FBXW7: variants seen among roughly 807,000 people sequenced by gnomAD.
FBXW7 encodes F-box and WD repeat domain containing 7, also known as F-box/WD repeat-containing protein 7.
A neutral mutation model predicts 86.3 loss-of-function variants in FBXW7; 11 were observed. That is an observed-to-expected ratio of 0.13 (90% confidence interval 0.08 to 0.21). The LOEUF (loss-of-function observed/expected upper bound fraction) is 0.21, where lower values mean the gene tolerates loss of function less well. Ranked by LOEUF, FBXW7 falls within the 10% of genes least tolerant of loss-of-function variation. The probability of loss-of-function intolerance (pLI) is 1.00; values close to 1 mark genes in which losing one functional copy is unlikely to be tolerated. For missense variants in FBXW7, 488 were observed against 847.4 expected (o/e 0.58, Z 5.27); for synonymous variants, 313 against 297.9 (o/e 1.05, Z -0.52).
intron 4 of FBXW7, among the ~76,000 whole-genome samples, chr4:152,373,627 C>A (rs1734203897): frequency 6.6e-6 from 1 of 152,148 alleles, no homozygotes; most frequent in African/African-American, 2.4e-5. Context: ...CTCCTCTGAT[C>A]ACCTACTTAG....
At chr4:152,482,124 C>A (rs991862410) in intron 2 of FBXW7, among the ~76,000 whole-genome samples, 1 of 152,298 alleles carries the variant, frequency 6.6e-6, no homozygotes, top group Non-Finnish European at 1.5e-5. Context: ...GCCACCCCAA[C>A]CTTCAGCAAC....
At chr4:152,393,249 A>G (rs989429964) in intron 4 of FBXW7, among the ~76,000 whole-genome samples, 1 of 152,270 alleles carries the variant, frequency 6.6e-6, no homozygotes, top group East Asian at 1.9e-4. Context: ...TTTTAAAAAT[A>G]CATTCAATGG....
chr4:152,425,216 T>C (rs1232240855), intron 2 of FBXW7, among the ~76,000 whole-genome samples: 1 of 152,232 alleles, frequency 6.6e-6, no homozygotes, highest in Non-Finnish European at 1.5e-5. Context: ...TCATCTTCCT[T>C]ACTGTGACAC....
chr4:152,525,822 G>C (rs879910144), intron 2 of FBXW7, among the ~76,000 whole-genome samples: 1 of 120,922 alleles, frequency 8.3e-6, no homozygotes, highest in Non-Finnish European at 1.7e-5. Context: ...ATACCCATTA[G>C]TAATGGGATT....
At chr4:152,466,372 T>C (rs1743439428) in intron 2 of FBXW7, among the ~76,000 whole-genome samples, 1 of 151,644 alleles carries the variant, frequency 6.6e-6, no homozygotes, top group South Asian at 2.1e-4. Context: ...CTGACCAACA[T>C]GGTGAAACCC....
At chr4:152,515,966 G>T (rs1229176598) in intron 2 of FBXW7, among the ~76,000 whole-genome samples, 1 of 152,158 alleles carries the variant, frequency 6.6e-6, no homozygotes, top group African/African-American at 2.4e-5. Context: ...GCTCAAAGTG[G>T]TCCCTGGCTG....
intron 2 of FBXW7, among the ~76,000 whole-genome samples, chr4:152,424,973 TA>T (rs1326141101): frequency 6.6e-6 from 1 of 152,210 alleles, no homozygotes; most frequent in Non-Finnish European, 1.5e-5. Context: ...GGAGTCTTGT[TA>T]AAATGCAGAT....
chr4:152,322,737 T>C lies in FBXW7; in HGVS notation c.*144A>G, dbSNP rs1052452910. On this transcript the variant is annotated 3_prime_UTR_variant, in exon 14 of 14. Coordinates refer to ENST00000281708, the MANE Select transcript of FBXW7 (RefSeq NM_001349798.2). ...CTTTTCCTTCTTAGTCTGTAGGTCT[T>C]TTCAATCTGTTGCCCCAAGCCAACA... The C allele has an allele frequency of 4.3e-5, 59 of 1,361,374 alleles. No individual in the cohort carries two copies. The highest frequency in any genetic ancestry group is 5.5e-5 in the Non-Finnish European group (56 of 1,022,152). 84.3% of individuals were successfully genotyped at this position (1,361,374 alleles called of 1,614,324 possible). A position where few individuals can be genotyped will look rare whatever the true frequency, so the allele number is the denominator to read the frequency against.
chr4:152,441,123 C>T (rs1340638337), intron 2 of FBXW7, among the ~76,000 whole-genome samples: 2 of 152,086 alleles, frequency 1.3e-5, no homozygotes, highest in East Asian at 1.9e-4. Flanking sequence ...TTCAGCAACT[C>T]GAACTTATAT....
chr4:152,395,729 C>G (rs1308155780), intron 4 of FBXW7, among the ~76,000 whole-genome samples: 1 of 151,972 alleles, frequency 6.6e-6, no homozygotes, highest in Admixed American at 6.6e-5. Context: ...CGTAATTTTG[C>G]AATGGGTGAT....
At chr4:152,498,567 G>A (rs941435180) in intron 2 of FBXW7, among the ~76,000 whole-genome samples, 1 of 152,316 alleles carries the variant, frequency 6.6e-6, no homozygotes, top group Non-Finnish European at 1.5e-5. Flanking sequence ...GACAATGCAA[G>A]CGATATAAAG....
intron 4 of FBXW7, among the ~76,000 whole-genome samples, chr4:152,357,868 C>A (rs1221502203): frequency 1.3e-5 from 2 of 152,020 alleles, no homozygotes; most frequent in Non-Finnish European, 2.9e-5. Flanking sequence ...CTATTTATGC[C>A]AGCCACAGAA....
intron 2 of FBXW7, among the ~76,000 whole-genome samples, chr4:152,438,522 A>G (rs1740592323): frequency 6.6e-6 from 1 of 152,164 alleles, no homozygotes; most frequent in Non-Finnish European, 1.5e-5. Flanking sequence ...TACTAAAAAC[A>G]TAAAAATTAG....
chr4:152,353,742 C>A (rs1732091022), intron 4 of FBXW7, among the ~76,000 whole-genome samples: 1 of 152,170 alleles, frequency 6.6e-6, no homozygotes, highest in African/African-American at 2.4e-5. Flanking sequence ...CAGAAGGCAA[C>A]ATTTTTCCTG....
At chr4:152,500,655 T>C (rs1177403078) in intron 2 of FBXW7, among the ~76,000 whole-genome samples, 1 of 152,064 alleles carries the variant, frequency 6.6e-6, no homozygotes, top group Non-Finnish European at 1.5e-5. Flanking sequence ...AGCTTCCCCA[T>C]GGATGGTAAC....
intron 2 of FBXW7, among the ~76,000 whole-genome samples, chr4:152,497,527 A>G (rs1310860301): frequency 6.6e-6 from 1 of 152,192 alleles, no homozygotes; most frequent in East Asian, 1.9e-4. Context: ...AGAATGATCA[A>G]AAACTATGCA....
intron 11 of FBXW7, among the ~76,000 whole-genome samples, chr4:152,327,598 G>A (rs376726266): frequency 6.6e-5 from 10 of 152,114 alleles, no homozygotes; most frequent in African/African-American, 2.2e-4. Context: ...AAACTGGATC[G>A]AGGATTTCTT....
intron 4 of FBXW7, among the ~76,000 whole-genome samples, chr4:152,400,768 A>G (rs1049968517): frequency 6.6e-6 from 1 of 152,246 alleles, no homozygotes; most frequent in Non-Finnish European, 1.5e-5. Context: ...TGTCAGGAAA[A>G]TAAGAACATA....
At chr4:152,346,805 A>C (rs1731307766) in intron 6 of FBXW7, 125 bp downstream of exon 6, 20 of 1,294,610 alleles carry the variant, frequency 1.5e-5, no homozygotes, top group Non-Finnish European at 2.0e-5. Flanking sequence ...ACTTGGCAGA[A>C]TGATTTCAAA....
Sources: allele counts gnomAD v4.1 joint callset (sites outside exome capture counted in the v4.1 genomes callset), GRCh38; gene constraint gnomAD v4.1.1; transcripts MANE v1.5; gene names NCBI Gene and HGNC (gene_info 2026-07-23, HGNC 2026-07-21).